Variants in TMC1 observed in about 807,000 individuals in gnomAD.
TMC1 encodes the protein transmembrane channel-like protein 1.
In TMC1, 84 loss-of-function variants were observed where a neutral mutation model predicts 105.8. The ratio of observed to expected loss-of-function variants is 0.79; its 90% CI spans 0.67 to 0.95. The LOEUF (loss-of-function observed/expected upper bound fraction) is 0.95. TMC1 is among the 40% of genes least tolerant of loss of function. TMC1 has a pLI of 0.00. For synonymous variants in TMC1, 315 were observed against 311.5 expected (o/e 1.01, Z -0.12); for missense variants, 817 against 914.1 (o/e 0.89, Z 1.37).
chr9:72,783,669 G>A (rs1159226620), intron 13 of TMC1, among the ~76,000 whole-genome samples: 1 of 151,990 alleles, frequency 6.6e-6, no homozygotes, highest in African/African-American at 2.4e-5. Flanking sequence ...ATCCAATCAA[G>A]TTGACACCTA....
chr9:72,537,403 G>T (rs4532664), intron 1 of TMC1, among the ~76,000 whole-genome samples: 79,696 of 151,974 alleles, frequency 0.52, 21,839 homozygotes, highest in African/African-American at 0.69. Flanking sequence ...ATCTACCACA[G>T]GGCCAGGCTG....
In TMC1 at chr9:72,541,400, A is replaced by G. The variant is rs1490776478; in HGVS notation, c.-428+19487A>G. On this transcript the variant is annotated intron_variant, in intron 1 of 23. Transcript: ENST00000297784. The stretch of plus-strand genomic sequence containing the variant: ...ATTGTTTGAATAACTTAAAGAGCCT[A>G]GAAGCGGCTGGGTGCGATGGCTCAT... Among the ~76,000 whole-genome samples the G allele has an allele frequency of 3.3e-5, 5 of 152,214 alleles. No individual in the cohort carries two copies. In the East Asian group the frequency reaches 7.7e-4, roughly 23 times the overall value.
chr9:72,601,644 C>CAAACAAAACA (rs745893076), intron 2 of TMC1, among the ~76,000 whole-genome samples: 1 of 150,976 alleles, frequency 6.6e-6, no homozygotes, highest in African/African-American at 2.4e-5. Context: ...GACCCTGTCT[C>CAAACAAAACA]GAACAAAACA....
Position 72,757,743 on chromosome 9 carries a change from C to T in TMC1, c.741+2859C>T, listed in dbSNP as rs148262819. On this transcript the variant is annotated intron_variant, in intron 12 of 23. Transcript: ENST00000297784. ...TCACTTGTGGCATCATATCGGTGCT[C>T]GAAACATTTCATATCTTGGAGCATT... 4.1e-4 allele frequency among the ~76,000 whole-genome samples: 62 copies of T among 152,128 alleles called. 1 individual carries two copies. The East Asian group carries it at 6.9e-3, about 17-fold the overall frequency.
intron 1 of TMC1, among the ~76,000 whole-genome samples, chr9:72,564,690 G>T (rs995693943): frequency 6.6e-6 from 1 of 152,190 alleles, no homozygotes; most frequent in Non-Finnish European, 1.5e-5. Flanking sequence ...TTTAGTGGGG[G>T]ACATGTCCTT....
chr9:72,605,150 G>C (rs2132115054), intron 2 of TMC1, among the ~76,000 whole-genome samples: 1 of 152,272 alleles, frequency 6.6e-6, no homozygotes, highest in East Asian at 1.9e-4. Flanking sequence ...TGATGACATG[G>C]ATTCCGAAAG....
chr9:72,596,639 AAG>A (rs986828100), intron 2 of TMC1, among the ~76,000 whole-genome samples: 1 of 152,088 alleles, frequency 6.6e-6, no homozygotes, highest in Admixed American at 6.6e-5. Flanking sequence ...CTCTTAGTGT[AAG>A]TCTATAGCAG....
chr9:72,530,734 G>A (rs1343714945), intron 1 of TMC1, among the ~76,000 whole-genome samples: 1 of 151,282 alleles, frequency 6.6e-6, no homozygotes, highest in African/African-American at 2.4e-5. Context: ...GCTATGTCTA[G>A]TATTATAATT....
chr9:72,570,805 C>T (rs2030916910), intron 1 of TMC1, among the ~76,000 whole-genome samples: 1 of 147,292 alleles, frequency 6.8e-6, no homozygotes, highest in Admixed American at 6.8e-5. Context: ...TCTCCTGCCT[C>T]AGCCTCCTGA....
intron 6 of TMC1, among the ~76,000 whole-genome samples, chr9:72,690,647 T>A (rs4625098): frequency 0.057 from 8,729 of 152,214 alleles, 295 homozygotes; most frequent in South Asian, 0.09. Flanking sequence ...TAAAATATCA[T>A]CCTACTTTCT....
intron 9 of TMC1, 47 bp from the exon 10 acceptor site, chr9:72,742,397 C>T (rs563498098): frequency 5.5e-6 from 8 of 1,452,150 alleles, no homozygotes; most frequent in Admixed American, 3.4e-5. Context: ...AACATCTTGA[C>T]AAATCAAGAG....
At chr9:72,522,827 G>A (rs1043165896) in intron 1 of TMC1, among the ~76,000 whole-genome samples, 3 of 152,190 alleles carry the variant, frequency 2.0e-5, no homozygotes, top group Non-Finnish European at 4.4e-5. Flanking sequence ...TATTTTAAAG[G>A]AACTCAGCCT....
chr9:72,542,836 C>T lies in TMC1; in HGVS notation c.-428+20923C>T, dbSNP rs923074993. 5.3e-5 allele frequency among the ~76,000 whole-genome samples: 8 copies of T among 151,982 alleles called. No individual in the cohort carries two copies. The East Asian group carries it at 1.2e-3, about 22-fold the overall frequency. On this transcript the variant is annotated intron_variant, in intron 1 of 23. Coordinates refer to ENST00000297784, the MANE Select transcript of TMC1 (RefSeq NM_138691.3). ...GTGGGATTACAGGTGCCTGCCACCGCGCCCAGCTAATTTTTGTACTTTTAG... is the reference window on the plus strand; with the variant it reads ...GTGGGATTACAGGTGCCTGCCACCGTGCCCAGCTAATTTTTGTACTTTTAG...
intron 1 of TMC1, among the ~76,000 whole-genome samples, chr9:72,530,822 A>AT (rs35627708): frequency 0.27 from 36,046 of 133,652 alleles, 6,399 homozygotes; most frequent in African/African-American, 0.5. Context: ...TTCTGCCATG[A>AT]TTTTTTTTTT....
At chr9:72,596,539 TA>T (rs35140344) in intron 2 of TMC1, among the ~76,000 whole-genome samples, 19,516 of 102,134 alleles carry the variant, frequency 0.19, 1,453 homozygotes, top group Non-Finnish European at 0.23. Flanking sequence ...GTTTCAATTG[TA>T]AAAAAAAAAA....
chr9:72,639,289 G>A (rs917348550), intron 4 of TMC1, among the ~76,000 whole-genome samples: 3 of 152,206 alleles, frequency 2.0e-5, no homozygotes, highest in African/African-American at 7.2e-5. Flanking sequence ...TTTCCATAAT[G>A]TATGGAAAGA....
chr9:72,803,391 T>G lies in TMC1; in HGVS notation c.1567-1991T>G, dbSNP rs1172122478. ...ACAAAAATTGACAAATGGGAACTAA[T>G]TAAACTAAAGAGCTTCTGTACAGCA... is the stretch of plus-strand genomic sequence containing the variant. On this transcript the variant is annotated intron_variant, in intron 17 of 23. Coordinates refer to ENST00000297784, the MANE Select transcript of TMC1 (RefSeq NM_138691.3). 3.3e-5 allele frequency among the ~76,000 whole-genome samples: 5 copies of G among 152,088 alleles called. No individual in the cohort carries two copies. In the East Asian group the frequency reaches 9.6e-4, roughly 29 times the overall value.
At chr9:72,726,026 C>T (rs147303939) in intron 8 of TMC1, among the ~76,000 whole-genome samples, 174 of 152,272 alleles carry the variant, frequency 1.1e-3, no homozygotes, top group African/African-American at 3.7e-3. Flanking sequence ...CCCACACAGA[C>T]ATGCCTAGGA....
chr9:72,828,809 C>T (rs1828998257), intron 21 of TMC1, among the ~76,000 whole-genome samples: 1 of 152,210 alleles, frequency 6.6e-6, no homozygotes. Flanking sequence ...CTGAAAGCCA[C>T]TTGTCCGAGG....
Sources: gnomAD v4.1 joint callset for allele counts (sites outside exome capture counted in the v4.1 genomes callset) on GRCh38, gnomAD v4.1.1 for gene constraint, MANE v1.5 for transcripts, NCBI Gene and HGNC (gene_info 2026-07-23, HGNC 2026-07-21) for gene names.